The following PARVA variants were observed in gnomAD, a reference collection of about 807,000 sequenced individuals.
The protein encoded by PARVA is alpha-parvin.
PARVA carries 25 observed loss-of-function variants against 52.6 expected under a neutral mutation model. That is an observed-to-expected ratio of 0.48 (90% CI 0.35 to 0.66). The LOEUF (loss-of-function observed/expected upper bound fraction) is 0.66. PARVA is among the 30% of genes least tolerant of loss of function. The pLI, the probability that PARVA is intolerant of heterozygous loss-of-function variation, is 0.01. For missense variants in PARVA, 373 were observed against 450.9 expected, an observed-to-expected ratio of 0.83 and a Z score of 1.56; for synonymous variants, 185 against 179.1, an observed-to-expected ratio of 1.03 and a Z score of -0.26.
intron 6 of PARVA, 77 bp from the exon 7 acceptor site, chr11:12,508,507 C>G (rs765914342): frequency 1.0e-6 from 1 of 972,814 alleles, no homozygotes; most frequent in Non-Finnish European, 1.7e-6. Flanking sequence ...ATCAGGAATG[C>G]TCATCAGTGT....
chr11:12,465,205 G>A (rs1258248907), intron 1 of PARVA, among the ~76,000 whole-genome samples: 1 of 152,102 alleles, frequency 6.6e-6, no homozygotes, highest in Non-Finnish European at 1.5e-5. Flanking sequence ...GGATTAATGA[G>A]TTATGGAATA....
At chr11:12,405,096 TC>T (rs1939883562) in intron 1 of PARVA, among the ~76,000 whole-genome samples, 1 of 152,104 alleles carries the variant, frequency 6.6e-6, no homozygotes. Context: ...GCCTGACCCA[TC>T]TAACAGGTTT....
chr11:12,393,413 A>G (rs1368318468), intron 1 of PARVA, among the ~76,000 whole-genome samples: 2 of 152,060 alleles, frequency 1.3e-5, no homozygotes, highest in Non-Finnish European at 2.9e-5. Context: ...CTGCTGTAAC[A>G]GATAAGCCCC....
At chr11:12,448,365 AAGT>A (rs1324452219) in intron 1 of PARVA, among the ~76,000 whole-genome samples, 1 of 152,184 alleles carries the variant, frequency 6.6e-6, no homozygotes, top group Admixed American at 6.5e-5. Flanking sequence ...ATCCAAGACA[AAGT>A]AGTAGGATGT....
intron 12 of PARVA, among the ~76,000 whole-genome samples, chr11:12,522,862 G>A (rs1165888813): frequency 2.6e-5 from 4 of 151,588 alleles, no homozygotes; most frequent in African/African-American, 4.9e-5. Flanking sequence ...GGCAACATTT[G>A]AAGCTACTGT....
At chr11:12,501,102 A>G (rs1407926836) in intron 5 of PARVA, among the ~76,000 whole-genome samples, 1 of 145,614 alleles carries the variant, frequency 6.9e-6, no homozygotes, top group East Asian at 2.1e-4. Flanking sequence ...GCAAAAATCC[A>G]TCTCAAAAAA....
intron 1 of PARVA, among the ~76,000 whole-genome samples, chr11:12,465,117 A>G (rs1940837187): frequency 6.6e-6 from 1 of 152,156 alleles, no homozygotes; most frequent in African/African-American, 2.4e-5. Context: ...CCTAGTTCCT[A>G]ACAGGCCATG....
At chr11:12,457,918 C>G (rs933073500) in intron 1 of PARVA, among the ~76,000 whole-genome samples, 2 of 152,238 alleles carry the variant, frequency 1.3e-5, no homozygotes, top group Non-Finnish European at 2.9e-5. Flanking sequence ...GTGAGGCTCA[C>G]CTAGGGGTGC....
intron 4 of PARVA, among the ~76,000 whole-genome samples, chr11:12,490,132 C>T (rs576578830): frequency 4.7e-5 from 7 of 150,278 alleles, no homozygotes; most frequent in South Asian, 4.2e-4. Context: ...AGGAGAATGG[C>T]GTGAACCAGG....
At position 12,496,574 on chromosome 11, in the gene PARVA, A is replaced by G. The variant is rs1163578533; in HGVS notation, c.517A>G (p.Arg173Gly). The part of the protein sequence containing the change: ...KINETLKLPP[R>G]SIKWNVDSVH... ...CAATGAAACCCTGAAACTTCCTCCC[A>G]GGAGCATCAAGTGGAATGTGGATTG... Residue 173 changes from arginine to glycine, a missense_variant, in exon 5 of 13, where the codon AGG becomes GGG. Transcript: ENST00000334956. 1.2e-6 allele frequency: 2 copies of G among 1,612,382 alleles called. No individual in the cohort carries two copies. Among genetic ancestry groups the G allele is most frequent in the Admixed American group, 1.7e-5 (1 of 59,846 alleles).
At position 12,477,802 on chromosome 11, in the gene PARVA, A is replaced by G. The variant is rs1387998938; in HGVS notation, c.298-45A>G. On this transcript the variant is annotated intron_variant, in intron 3 of 12. Transcript: ENST00000334956. ...GCTGGTCTGTAAGAAAATACCCCAT[A>G]ACTCTTTTCTTACTATTGCACATTC... 28 of 992,092 alleles carry G rather than the reference A, an allele frequency of 2.8e-5. No homozygotes were observed. In the East Asian group the frequency reaches 6.7e-4, roughly 24 times the overall value. The allele number at this position is 992,092 out of a possible 1,614,324, so 61.5% of individuals were successfully genotyped here.
intron 4 of PARVA, 58 bp downstream of exon 4, chr11:12,478,007 T>TGC: frequency 1.1e-6 from 1 of 900,762 alleles, no homozygotes; most frequent in Non-Finnish European, 1.9e-6. Context: ...TTGGATCACC[T>TGC]ACTTGTAGCT....
intron 1 of PARVA, among the ~76,000 whole-genome samples, chr11:12,378,351 T>A (rs959243860): frequency 3.3e-5 from 5 of 152,104 alleles, no homozygotes; most frequent in Non-Finnish European, 7.4e-5. Flanking sequence ...TGAGAAGGGC[T>A]CTGTTAATGG....
intron 1 of PARVA, among the ~76,000 whole-genome samples, chr11:12,459,549 A>T (rs1433003670): frequency 3.3e-5 from 5 of 152,184 alleles, no homozygotes; most frequent in Admixed American, 2.0e-4. Context: ...CACCCTTCAT[A>T]GCTGGGAAAT....
intron 1 of PARVA, among the ~76,000 whole-genome samples, chr11:12,391,235 C>T (rs139631172): frequency 3.8e-4 from 58 of 152,274 alleles, no homozygotes; most frequent in African/African-American, 1.2e-3. Flanking sequence ...TGGGACCTGA[C>T]GCTTCAATAA....
In PARVA at chr11:12,386,890, T is replaced by C. The variant is rs1939579272; in HGVS notation, c.136+9107T>C. Among the ~76,000 whole-genome samples, 4 of 152,210 alleles carry C rather than the reference T, an allele frequency of 2.6e-5. 1 individual carries two copies. The highest frequency in any genetic ancestry group is 4.1e-4 in the South Asian group (2 of 4,828). On this transcript the variant is annotated intron_variant, in intron 1 of 12. Transcript: ENST00000334956. ...ACAAAGACCTCTTTCTTTCCTCTAC[T>C]AATGAAGGCACCTCTGTGTCGGGAG...
intron 5 of PARVA, among the ~76,000 whole-genome samples, chr11:12,501,497 A>G (rs1369095073): frequency 6.6e-6 from 1 of 152,168 alleles, no homozygotes; most frequent in Non-Finnish European, 1.5e-5. Flanking sequence ...ACAAGAAGTC[A>G]TGGGTAGGCT....
intron 5 of PARVA, among the ~76,000 whole-genome samples, chr11:12,498,615 C>T (rs1361808373): frequency 6.8e-6 from 1 of 147,504 alleles, no homozygotes; most frequent in South Asian, 2.1e-4. Flanking sequence ...CGCTCTGTTG[C>T]CCAGGCTGAA....
chr11:12,422,381 A>G (rs377285293), intron 1 of PARVA, among the ~76,000 whole-genome samples: 1 of 152,232 alleles, frequency 6.6e-6, no homozygotes, highest in African/African-American at 2.4e-5. Context: ...GATAAAAAAT[A>G]TGGATGGTTT....
Sources: allele counts gnomAD v4.1 joint callset (sites outside exome capture counted in the v4.1 genomes callset), GRCh38; gene constraint gnomAD v4.1.1; transcripts MANE v1.5; gene names NCBI Gene and HGNC (gene_info 2026-07-23, HGNC 2026-07-21).